IL1RAPL1: variants seen among roughly 807,000 people sequenced by gnomAD.
IL1RAPL1 encodes the protein interleukin 1 receptor accessory protein like 1.
A neutral mutation model predicts 48.4 loss-of-function variants in IL1RAPL1; 3 were observed. The ratio of observed to expected loss-of-function variants is 0.06; its 90% CI spans 0.03 to 0.16. The LOEUF (loss-of-function observed/expected upper bound fraction) is 0.16. Among genes scored for constraint, IL1RAPL1 ranks in the 10% least tolerant of loss-of-function variants. IL1RAPL1 has a pLI of 1.00. For synonymous variants in IL1RAPL1, 185 were observed against 187.7 expected (o/e 0.99, Z 0.12); for missense variants, 349 against 530.6 (o/e 0.66, Z 3.36).
chrX:28,706,260 G>C lies in IL1RAPL1; in HGVS notation c.-24-83060G>C, dbSNP rs768779303. 2.7e-5 allele frequency among the ~76,000 whole-genome samples: 3 copies of C among 112,175 alleles called. No homozygotes were observed. The East Asian group carries it at 8.4e-4, about 32-fold the overall frequency. Reference sequence around the variant, plus strand: ...ATTCAGTACAGTAATTTGCTATGCAGGTTTGTAGCATAGGAGCAATAGGCC... The same window carrying C: ...ATTCAGTACAGTAATTTGCTATGCACGTTTGTAGCATAGGAGCAATAGGCC... On this transcript the variant is annotated intron_variant, in intron 1 of 10. Transcript: ENST00000378993.
intron 2 of IL1RAPL1, among the ~76,000 whole-genome samples, chrX:28,976,075 C>A (rs188139189): frequency 6.7e-4 from 75 of 112,148 alleles, no homozygotes; most frequent in Admixed American, 2.3e-3. Context: ...CATGTAATGT[C>A]TTGTAAGTTA....
chrX:28,718,977 A>G (rs1935536637), intron 1 of IL1RAPL1, among the ~76,000 whole-genome samples: 1 of 111,862 alleles, frequency 8.9e-6, no homozygotes, highest in Non-Finnish European at 1.9e-5. Context: ...GTTTGTCTGC[A>G]GAGAACAGTC....
Position 28,697,274 on chromosome X carries a change from C to T in IL1RAPL1, c.-24-92046C>T, listed in dbSNP as rs774378329. Reference sequence around the variant, plus strand: ...TATTTTATATATTGTGGATATTAACCCTATGTGTTTTCTGCATTTCAAATT... The same window carrying T: ...TATTTTATATATTGTGGATATTAACTCTATGTGTTTTCTGCATTTCAAATT... On this transcript the variant is annotated intron_variant, in intron 1 of 10. Coordinates refer to ENST00000378993, the MANE Select transcript of IL1RAPL1 (RefSeq NM_014271.4). Among the ~76,000 whole-genome samples the T allele has an allele frequency of 7.3e-5, 8 of 109,226 alleles. No homozygotes were observed. In the South Asian group the frequency reaches 1.1e-3, roughly 16 times the overall value. 94.8% of individuals were successfully genotyped at this position (109,226 alleles called of 115,157 possible). A position where few individuals can be genotyped will look rare whatever the true frequency, so the allele number is the denominator to read the frequency against.
intron 2 of IL1RAPL1, among the ~76,000 whole-genome samples, chrX:29,224,229 G>A (rs1376132794): frequency 9.0e-6 from 1 of 110,849 alleles, no homozygotes; most frequent in Non-Finnish European, 1.9e-5. Context: ...TTAGTAAGGT[G>A]GTACTCTTTA....
intron 8 of IL1RAPL1, among the ~76,000 whole-genome samples, chrX:29,927,753 G>A (rs1359123530): frequency 1.8e-5 from 2 of 111,576 alleles, no homozygotes; most frequent in East Asian, 2.8e-4. Flanking sequence ...TGGTGAACAC[G>A]AAATACTGCT....
chrX:28,837,108 G>A (rs905575700), intron 2 of IL1RAPL1, among the ~76,000 whole-genome samples: 9 of 111,089 alleles, frequency 8.1e-5, no homozygotes, highest in African/African-American at 2.9e-4. Flanking sequence ...TAAATATCAT[G>A]TTTTGATATG....
intron 2 of IL1RAPL1, among the ~76,000 whole-genome samples, chrX:28,930,267 A>T (rs187948716): frequency 4.8e-4 from 54 of 112,490 alleles, no homozygotes; most frequent in South Asian, 1.1e-3. Context: ...TTTAAAAAAA[A>T]TTTTATTTGC....
In IL1RAPL1 at chrX:29,319,160, G is replaced by A. The variant is rs150818993; in HGVS notation, c.362+35943G>A. On this transcript the variant is annotated intron_variant, in intron 3 of 10. Transcript: ENST00000378993. ...ACGTATGATATCTGTCTATCTGTCT[G>A]TCTATCTATCTATCTATCTATCTAT... Among the ~76,000 whole-genome samples the A allele has an allele frequency of 3.5e-3, 301 of 84,975 alleles. 2 individuals are homozygous for A. The highest frequency in any genetic ancestry group is 0.012 in the African/African-American group (253 of 21,770). 73.8% of individuals were successfully genotyped at this position (84,975 alleles called of 115,157 possible).
chrX:29,916,047 G>A (rs1489549813), intron 6 of IL1RAPL1, among the ~76,000 whole-genome samples: 1 of 101,187 alleles, frequency 9.9e-6, no homozygotes, highest in East Asian at 3.1e-4. Context: ...ATGGTTTCCA[G>A]TTTCATCCAT....
At chrX:29,367,726 G>A (rs1056222777) in intron 3 of IL1RAPL1, among the ~76,000 whole-genome samples, 99 of 108,392 alleles carry the variant, frequency 9.1e-4, no homozygotes, top group African/African-American at 2.8e-3. Flanking sequence ...GACTACAGGC[G>A]CACGCCACCA....
chrX:29,584,144 C>T (rs996061822), intron 5 of IL1RAPL1, among the ~76,000 whole-genome samples: 11 of 111,116 alleles, frequency 9.9e-5, no homozygotes, highest in Non-Finnish European at 2.1e-4. Flanking sequence ...CTTGTTTATG[C>T]GGTCTTCCCA....
chrX:29,711,751 A>G (rs1314191809), intron 6 of IL1RAPL1, among the ~76,000 whole-genome samples: 1 of 111,737 alleles, frequency 8.9e-6, no homozygotes, highest in African/African-American at 3.2e-5. Flanking sequence ...GTTATTCTTC[A>G]ACATTAAGAA....
chrX:29,941,504 A>G (rs942728696), intron 8 of IL1RAPL1, 147 bp from the exon 9 acceptor site: 2 of 588,113 alleles, frequency 3.4e-6, no homozygotes, highest in African/African-American at 4.5e-5. Context: ...CAAAAGGTCA[A>G]ATTCTCATGC....
rs770104126 is a variant in IL1RAPL1 at position 29,808,216 on chromosome X, A to G, written c.779-109248A>G. ...TAGTAGCAAAAAAATTAATTTACCA[A>G]AATCATAAACAGTAAAGTAGTTATC... On this transcript the variant is annotated intron_variant, in intron 6 of 10. Coordinates refer to ENST00000378993, the MANE Select transcript of IL1RAPL1 (RefSeq NM_014271.4). Among the ~76,000 whole-genome samples the G allele has an allele frequency of 2.7e-5, 3 of 112,153 alleles. No individual in the cohort carries two copies. In the South Asian group the frequency reaches 1.1e-3, roughly 41 times the overall value.
At chrX:28,635,539 A>T in intron 1 of IL1RAPL1, among the ~76,000 whole-genome samples, 2 of 112,130 alleles carry the variant, frequency 1.8e-5, no homozygotes, top group Middle Eastern at 9.3e-3. Flanking sequence ...TATATATAAA[A>T]TAGGCTTTGT....
intron 6 of IL1RAPL1, among the ~76,000 whole-genome samples, chrX:29,758,786 A>G (rs185136350): frequency 1.8e-5 from 2 of 111,531 alleles, no homozygotes; most frequent in East Asian, 5.6e-4. Flanking sequence ...TGTAAAAAAC[A>G]AAACAAAACA....
intron 5 of IL1RAPL1, among the ~76,000 whole-genome samples, chrX:29,543,115 T>TTCTCTCTTTC (rs1556033274): frequency 1.1e-5 from 1 of 91,683 alleles, no homozygotes; most frequent in African/African-American, 4.1e-5. Flanking sequence ...ATCTGTTCGT[T>TTCTCTCTTTC]TCTCTCTCTC....
At chrX:29,326,039 T>C (rs190696456) in intron 3 of IL1RAPL1, among the ~76,000 whole-genome samples, 44 of 112,166 alleles carry the variant, frequency 3.9e-4, no homozygotes, top group African/African-American at 1.0e-3. Context: ...ATCTCCAACA[T>C]TGAAGACTAT....
chrX:29,346,904 CAT>C (rs1269749092), intron 3 of IL1RAPL1, among the ~76,000 whole-genome samples: 1 of 112,020 alleles, frequency 8.9e-6, no homozygotes, highest in East Asian at 2.8e-4. Flanking sequence ...AAGAGTGAAA[CAT>C]ATACGCTGAA....
Sources: gnomAD v4.1 joint callset for allele counts (sites outside exome capture counted in the v4.1 genomes callset) on GRCh38, gnomAD v4.1.1 for gene constraint, MANE v1.5 for transcripts, NCBI Gene and HGNC (gene_info 2026-07-23, HGNC 2026-07-21) for gene names.